Variants in ATP10B observed in about 807,000 individuals in gnomAD.
ATP10B encodes phospholipid-transporting ATPase VB.
Under a neutral mutation model 141.2 loss-of-function variants are expected in ATP10B, and 122 were observed. The ratio of observed to expected loss-of-function variants is 0.86; its 90% CI spans 0.75 to 1.00. The LOEUF (loss-of-function observed/expected upper bound fraction) is 1.00, where lower values mean the gene tolerates loss of function less well. ATP10B is among the 50% of genes least tolerant of loss of function. The probability of loss-of-function intolerance (pLI) is 0.00; values close to 1 mark genes in which losing one functional copy is unlikely to be tolerated. For missense variants in ATP10B, 1,876 were observed against 1,825.3 expected, an observed-to-expected ratio of 1.03 and a Z score of -0.51; for synonymous variants, 685 against 692.0, an observed-to-expected ratio of 0.99 and a Z score of 0.16.
At chr5:160,709,136 C>A (rs1468776689) in intron 3 of ATP10B, among the ~76,000 whole-genome samples, 2 of 152,150 alleles carry the variant, frequency 1.3e-5, no homozygotes, top group African/African-American at 2.4e-5. Context: ...GCATTAAAGA[C>A]CTGCCTCATT....
chr5:160,657,862 T>C (rs576640581), intron 7 of ATP10B, among the ~76,000 whole-genome samples: 1 of 152,292 alleles, frequency 6.6e-6, no homozygotes, highest in South Asian at 2.1e-4. Flanking sequence ...AATAAATACT[T>C]GATGAATGAA....
chr5:160,885,866 G>T, the ATP10B span, among the ~76,000 whole-genome samples: 1 of 152,158 alleles, frequency 6.6e-6, no homozygotes, highest in Non-Finnish European at 1.5e-5. Flanking sequence ...CCTACTTTGT[G>T]CTGTAGTAAC....
At chr5:160,726,440 G>A (rs1766367774) in intron 2 of ATP10B, among the ~76,000 whole-genome samples, 1 of 152,114 alleles carries the variant, frequency 6.6e-6, no homozygotes, top group Admixed American at 6.5e-5. Flanking sequence ...CAAAGTGTGA[G>A]TCCTGTTCAT....
chr5:160,585,885 C>A (rs1318933451), intron 24 of ATP10B, among the ~76,000 whole-genome samples: 5 of 152,118 alleles, frequency 3.3e-5, no homozygotes, highest in Non-Finnish European at 7.4e-5. Flanking sequence ...AGAAATTTGT[C>A]CTGTACTTAA....
chr5:160,870,797 T>C, the ATP10B span, among the ~76,000 whole-genome samples: 3 of 151,756 alleles, frequency 2.0e-5, no homozygotes, highest in African/African-American at 7.3e-5. Context: ...ATTTTAAAAC[T>C]ACAGAAAATC....
chr5:160,808,227 G>A (rs1368181601), intron 1 of ATP10B, among the ~76,000 whole-genome samples: 1 of 152,154 alleles, frequency 6.6e-6, no homozygotes, highest in African/African-American at 2.4e-5. Flanking sequence ...CAATAAAATT[G>A]TGTTTGTGTA....
At chr5:160,637,546 T>A (rs1187224816) in intron 10 of ATP10B, among the ~76,000 whole-genome samples, 1 of 152,234 alleles carries the variant, frequency 6.6e-6, no homozygotes, top group African/African-American at 2.4e-5. Flanking sequence ...CAGCACCAGG[T>A]ACAGACTGAA....
chr5:160,754,803 C>T (rs1768402919), intron 2 of ATP10B, among the ~76,000 whole-genome samples: 1 of 152,124 alleles, frequency 6.6e-6, no homozygotes, highest in Admixed American at 6.5e-5. Context: ...GTAGTTAGCA[C>T]TACAGGATAG....
intron 24 of ATP10B, 71 bp downstream of exon 24, chr5:160,589,521 A>G (rs1209236788): frequency 1.7e-6 from 2 of 1,202,074 alleles, no homozygotes; most frequent in Admixed American, 1.7e-5. Context: ...GAATGAAACA[A>G]TTCAGAAATT....
chr5:160,896,177 G>A, the ATP10B span, among the ~76,000 whole-genome samples: 2 of 151,388 alleles, frequency 1.3e-5, no homozygotes, highest in East Asian at 3.9e-4. Context: ...GCTAGCAGAA[G>A]GCAAGAAATA....
intron 1 of ATP10B, among the ~76,000 whole-genome samples, chr5:160,836,231 C>CT: frequency 6.6e-6 from 1 of 152,188 alleles, no homozygotes; most frequent in East Asian, 1.9e-4. Context: ...ACTTGTACCC[C>CT]TTCAATTTAC....
At chr5:160,647,809 C>T (rs143476116) in intron 8 of ATP10B, among the ~76,000 whole-genome samples, 121 of 152,254 alleles carry the variant, frequency 7.9e-4, no homozygotes, top group African/African-American at 2.8e-3. Context: ...TCTCCTTCTG[C>T]TCGCTCTGTG....
chr5:160,910,394 G>A, the ATP10B span, among the ~76,000 whole-genome samples: 1 of 152,224 alleles, frequency 6.6e-6, no homozygotes, highest in Admixed American at 6.5e-5. Context: ...CTTTCCACTA[G>A]AAGGAGAGCT....
intron 3 of ATP10B, among the ~76,000 whole-genome samples, chr5:160,705,522 A>G (rs1158429940): frequency 6.6e-6 from 1 of 152,152 alleles, no homozygotes; most frequent in Non-Finnish European, 1.5e-5. Context: ...CAATCTGCCC[A>G]ACACTTTGGG....
chr5:160,873,790 T>G, the ATP10B span, among the ~76,000 whole-genome samples: 1 of 151,998 alleles, frequency 6.6e-6, no homozygotes, highest in Non-Finnish European at 1.5e-5. Context: ...ACCAGGAAAA[T>G]TGGGTCACTC....
chr5:160,640,396 A>G (rs1389657313), intron 10 of ATP10B, 65 bp downstream of exon 10: 9 of 1,562,444 alleles, frequency 5.8e-6, no homozygotes, highest in Non-Finnish European at 7.8e-6. Flanking sequence ...TAAATGAGGA[A>G]GCTGAAGAAA....
intron 13 of ATP10B, among the ~76,000 whole-genome samples, chr5:160,631,427 C>T (rs1457472447): frequency 2.0e-5 from 3 of 152,160 alleles, no homozygotes; most frequent in Non-Finnish European, 4.4e-5. Flanking sequence ...TGTGAAAGGA[C>T]AATACGCAGA....
intron 2 of ATP10B, among the ~76,000 whole-genome samples, chr5:160,763,105 A>T (rs1769164255): frequency 6.6e-6 from 1 of 152,296 alleles, no homozygotes; most frequent in South Asian, 2.1e-4. Context: ...AGACGGCAAC[A>T]TAATAATTGT....
At position 160,575,542 on chromosome 5, in the gene ATP10B, C is replaced by G. The variant is rs551548069; in HGVS notation, c.3751-5859G>C. Among the ~76,000 whole-genome samples, 216 of 152,046 alleles carry G rather than the reference C, an allele frequency of 1.4e-3. 1 individual carries two copies. The highest frequency in any genetic ancestry group is 5.1e-3 in the Admixed American group (78 of 15,252). On this transcript the variant is annotated intron_variant, in intron 24 of 25. Coordinates refer to ENST00000327245, the MANE Select transcript of ATP10B (RefSeq NM_025153.3). Reference sequence around the variant, plus strand: ...CATGTGATCCTGGCAATTCAGATACCCTCTTTGAGCCTCAATTTCCATATC... The same window carrying G: ...CATGTGATCCTGGCAATTCAGATACGCTCTTTGAGCCTCAATTTCCATATC...
Sources: gnomAD v4.1 joint callset for allele counts (sites outside exome capture counted in the v4.1 genomes callset) on GRCh38, gnomAD v4.1.1 for gene constraint, MANE v1.5 for transcripts, NCBI Gene and HGNC (gene_info 2026-07-23, HGNC 2026-07-21) for gene names.